The following COL19A1 variants were observed in gnomAD, a reference collection of about 807,000 sequenced individuals.
COL19A1 encodes collagen type XIX alpha 1 chain, also known as collagen alpha-1(XIX) chain.
COL19A1 carries 159 observed loss-of-function variants against 190.2 expected under a neutral mutation model. The ratio of observed to expected loss-of-function variants is 0.84; its 90% CI spans 0.73 to 0.95. The LOEUF (loss-of-function observed/expected upper bound fraction) is 0.95. Ranked by LOEUF, COL19A1 falls within the 40% of genes least tolerant of loss-of-function variation. The probability of loss-of-function intolerance (pLI) is 0.00; values close to 1 mark genes in which losing one functional copy is unlikely to be tolerated. For synonymous variants in COL19A1, 509 were observed against 458.9 expected (o/e 1.11, Z -1.39); for missense variants, 1,418 against 1,431.9 (o/e 0.99, Z 0.16).
intron 14 of COL19A1, among the ~76,000 whole-genome samples, chr6:70,059,062 A>G (rs1780669884): frequency 6.6e-6 from 1 of 152,066 alleles, no homozygotes; most frequent in African/African-American, 2.4e-5. Context: ...TCTGTTTTCC[A>G]TTTTATTTTC....
intron 40 of COL19A1, among the ~76,000 whole-genome samples, chr6:70,170,040 A>C (rs1379559648): frequency 2.6e-5 from 4 of 152,184 alleles, no homozygotes; most frequent in African/African-American, 9.6e-5. Context: ...TAGTCTTCAA[A>C]TTTCTTAGCT....
At position 70,079,557 on chromosome 6, in the gene COL19A1, G is replaced by A. The variant is rs553723371; in HGVS notation, c.1224+11081G>A. 2.0e-5 allele frequency among the ~76,000 whole-genome samples: 3 copies of A among 152,272 alleles called. No homozygotes were observed. In the South Asian group the frequency reaches 6.2e-4, roughly 32 times the overall value. On this transcript the variant is annotated intron_variant, in intron 15 of 50. Transcript: ENST00000620364. ...GATGAACTAGAAAGTTTAAAGTATA[G>A]AAAAGTGGGAGAATAAGAAGAAAGT...
intron 17 of COL19A1, among the ~76,000 whole-genome samples, chr6:70,129,627 G>A (rs1404689897): frequency 6.6e-6 from 1 of 152,262 alleles, no homozygotes; most frequent in African/African-American, 2.4e-5. Flanking sequence ...GAGGCAGGAG[G>A]ATAGCTTGAG....
At position 70,152,265 on chromosome 6, in the gene COL19A1, T is replaced by TTA. The variant is rs1233783835; in HGVS notation, c.2079+838_2079+839dup. ...ACACGCACACACACACAGACTACAG[T>TTA]TATATATATATAATTTAGTTTGTAT... On this transcript the variant is annotated intron_variant, in intron 31 of 50. Transcript: ENST00000620364. 5.3e-5 allele frequency among the ~76,000 whole-genome samples: 8 copies of TTA among 151,904 alleles called. No individual in the cohort carries two copies. In the South Asian group the frequency reaches 8.3e-4, roughly 16 times the overall value.
chr6:70,113,842 C>CTTTTTTTTTTTTTTTTTTTTTTTTT (rs34876942), intron 16 of COL19A1, among the ~76,000 whole-genome samples: 1 of 64,136 alleles, frequency 1.6e-5, no homozygotes, highest in Non-Finnish European at 2.6e-5. Context: ...CCAAGTCTTT[C>CTTTTTTTTTTTTTTTTTTTTTTTTT]TTTTTTTTTT....
intron 14 of COL19A1, among the ~76,000 whole-genome samples, chr6:70,052,444 G>T (rs1359527819): frequency 6.6e-6 from 1 of 152,172 alleles, no homozygotes; most frequent in Admixed American, 6.6e-5. Flanking sequence ...ATTAGCAAAT[G>T]TTGCTCTTTT....
At chr6:70,098,280 C>T (rs57589131) in intron 15 of COL19A1, 2 of 321,674 alleles carry the variant, frequency 6.2e-6, no homozygotes, top group African/African-American at 4.3e-5. Context: ...ATAAAATACT[C>T]CCCCAAAGTA....
intron 13 of COL19A1, among the ~76,000 whole-genome samples, chr6:70,035,229 G>C (rs1477727232): frequency 1.3e-5 from 2 of 152,148 alleles, no homozygotes; most frequent in Non-Finnish European, 1.5e-5. Context: ...AATAAATAAA[G>C]TTCCTGGGAA....
chr6:70,073,328 G>C (rs530029679), intron 15 of COL19A1, among the ~76,000 whole-genome samples: 1 of 152,074 alleles, frequency 6.6e-6, no homozygotes, highest in Non-Finnish European at 1.5e-5. Context: ...CTGCTTATGA[G>C]CTTTGTGATC....
chr6:70,094,365 C>A (rs1015875800), intron 15 of COL19A1, among the ~76,000 whole-genome samples: 1 of 152,152 alleles, frequency 6.6e-6, no homozygotes. Flanking sequence ...TTCCTTAATA[C>A]CTTGTTCAGG....
chr6:69,961,673 A>G (rs1774805605), intron 10 of COL19A1, among the ~76,000 whole-genome samples: 1 of 152,208 alleles, frequency 6.6e-6, no homozygotes, highest in South Asian at 2.1e-4. Context: ...TAGAGGGTAG[A>G]TGAAGCAAAA....
intron 11 of COL19A1, among the ~76,000 whole-genome samples, chr6:70,006,398 A>AG (rs1380632505): frequency 1.3e-5 from 2 of 152,106 alleles, no homozygotes; most frequent in African/African-American, 4.8e-5. Flanking sequence ...CTGGGGGGTG[A>AG]GGGCTCCCCT....
At chr6:70,054,073 A>AGG (rs1024342210) in intron 14 of COL19A1, among the ~76,000 whole-genome samples, 81 of 152,354 alleles carry the variant, frequency 5.3e-4, no homozygotes, top group Admixed American at 2.6e-3. Context: ...TATTTTGGCC[A>AGG]GGTGCAGTGG....
chr6:70,207,610 C>T lies in COL19A1; in HGVS notation c.*336C>T, dbSNP rs958794434. The T allele has an allele frequency of 6.2e-6, 1 of 160,840 alleles. No individual in the cohort carries two copies. The highest frequency in any genetic ancestry group is 2.4e-5 in the African/African-American group (1 of 41,656). 10.0% of individuals were successfully genotyped at this position (160,840 alleles called of 1,614,324 possible). On this transcript the variant is annotated 3_prime_UTR_variant, in exon 51 of 51. Coordinates refer to ENST00000620364, the MANE Select transcript of COL19A1 (RefSeq NM_001858.6). ...GACTTAGTAGACTGATGATGATATC[C>T]ATTTTGTAGACTCATCAACATGTGG...
intron 9 of COL19A1, among the ~76,000 whole-genome samples, chr6:69,949,651 C>T (rs967359547): frequency 2.0e-5 from 3 of 151,802 alleles, no homozygotes; most frequent in Non-Finnish European, 2.9e-5. Flanking sequence ...GAAAAATTAT[C>T]AGTTCTTAAC....
At chr6:69,975,651 T>C (rs1775674309) in intron 11 of COL19A1, among the ~76,000 whole-genome samples, 3 of 152,222 alleles carry the variant, frequency 2.0e-5, no homozygotes, top group Admixed American at 2.0e-4. Context: ...AACTTTTGAT[T>C]CTGGCAGGTA....
chr6:70,103,180 T>C (rs1582917111), intron 16 of COL19A1, among the ~76,000 whole-genome samples: 1 of 152,182 alleles, frequency 6.6e-6, no homozygotes, highest in East Asian at 1.9e-4. Context: ...TCTCTAAAAA[T>C]AATCCTAGAT....
chr6:70,036,151 A>C (rs1395642405), intron 14 of COL19A1, among the ~76,000 whole-genome samples: 1 of 152,222 alleles, frequency 6.6e-6, no homozygotes. Context: ...AGTTACAATT[A>C]AAGTCTGGAA....
At chr6:69,875,082 A>G (rs562707295) in intron 1 of COL19A1, among the ~76,000 whole-genome samples, 1 of 152,372 alleles carries the variant, frequency 6.6e-6, no homozygotes, top group East Asian at 1.9e-4. Context: ...CGTATACAGA[A>G]AAAATAATGT....
Sources: allele counts gnomAD v4.1 joint callset (sites outside exome capture counted in the v4.1 genomes callset), GRCh38; gene constraint gnomAD v4.1.1; transcripts MANE v1.5; gene names NCBI Gene and HGNC (gene_info 2026-07-23, HGNC 2026-07-21).